The following MAP3K8 variants were observed in gnomAD, a reference collection of about 807,000 sequenced individuals.
MAP3K8 encodes Ewing sarcoma transformant.
A neutral mutation model predicts 45.8 loss-of-function variants in MAP3K8; 22 were observed. The observed-to-expected ratio is 0.48, with a 90% CI of 0.34 to 0.69. The LOEUF is 0.69. Among genes scored for constraint, MAP3K8 ranks in the 30% least tolerant of loss-of-function variants. The pLI is 0.01. For missense variants in MAP3K8, 419 were observed against 585.0 expected, an observed-to-expected ratio of 0.72 and a Z score of 2.93; for synonymous variants, 223 against 214.3, an observed-to-expected ratio of 1.04 and a Z score of -0.36.
chr10:30,461,611 T>C lies in MAP3K8; in HGVS notation c.*775T>C, dbSNP rs1016195864. The C allele has an allele frequency of 1.6e-5, 3 of 188,630 alleles. No individual in the cohort carries two copies. Among genetic ancestry groups the C allele is most frequent in the African/African-American group, 7.0e-5 (3 of 42,840 alleles). 11.7% of individuals were successfully genotyped at this position (188,630 alleles called of 1,614,324 possible). Reference sequence around the variant, plus strand: ...ATTATTGATGATTTTGTAATTCTTATGACTAAATTTTCTTTTAAGCATTTG... The same window carrying C: ...ATTATTGATGATTTTGTAATTCTTACGACTAAATTTTCTTTTAAGCATTTG... On this transcript the variant is annotated 3_prime_UTR_variant, in exon 9 of 9. Transcript: ENST00000263056.
At chr10:30,440,739 A>G (rs1433894059) in intron 3 of MAP3K8, among the ~76,000 whole-genome samples, 1 of 152,228 alleles carries the variant, frequency 6.6e-6, no homozygotes, top group Non-Finnish European at 1.5e-5. Flanking sequence ...CTATACCGAG[A>G]AATATAATTG....
chr10:30,448,004 GT>G (rs936938625), intron 4 of MAP3K8, 55 bp downstream of exon 4: 18 of 1,514,728 alleles, frequency 1.2e-5, no homozygotes, highest in Non-Finnish European at 1.4e-5. Context: ...TCTGGCTTTT[GT>G]TTTTTTGTCC....
At chr10:30,460,632 C>T (rs1715693636) in intron 8 of MAP3K8, 74 bp from the exon 9 acceptor site, 1 of 1,264,396 alleles carries the variant, frequency 7.9e-7, no homozygotes, top group Non-Finnish European at 1.1e-6. Context: ...AGATTTATTT[C>T]ACTGCAGAAG....
rs189928464 is a variant in MAP3K8, at chr10:30,444,262, G to A, written c.337-3520G>A. ...CATCTAAAATTTAAATACAGGGTTCGAGACCAGCCTGACCAACATGGAGAA... is the reference window on the plus strand; with the variant it reads ...CATCTAAAATTTAAATACAGGGTTCAAGACCAGCCTGACCAACATGGAGAA... On this transcript the variant is annotated intron_variant, in intron 3 of 8. Transcript: ENST00000263056. 2.0e-4 allele frequency among the ~76,000 whole-genome samples: 31 copies of A among 151,358 alleles called. No homozygotes were observed. The East Asian group carries it at 5.1e-3, about 25-fold the overall frequency.
At chr10:30,455,117 G>T (rs1836691916) in intron 6 of MAP3K8, among the ~76,000 whole-genome samples, 2 of 151,832 alleles carry the variant, frequency 1.3e-5, no homozygotes, top group South Asian at 4.2e-4. Flanking sequence ...GGTTTTTTTT[G>T]GCAAATGCAA....
intron 3 of MAP3K8, among the ~76,000 whole-genome samples, chr10:30,446,983 T>C (rs1333928748): frequency 1.3e-5 from 2 of 152,166 alleles, no homozygotes; most frequent in South Asian, 2.1e-4. Flanking sequence ...ACTCCTGGCC[T>C]CAAGATATCC....
In MAP3K8 at chr10:30,451,586, A is replaced by T. The variant is rs1223867729; in HGVS notation, c.767-52A>T. On this transcript the variant is annotated intron_variant, in intron 5 of 8. Coordinates refer to ENST00000263056, the MANE Select transcript of MAP3K8 (RefSeq NM_005204.4). Reference sequence around the variant, plus strand: ...TTGTTTTAGATAATGTTTTCATTTGACTTATGGGTATATAAAAAATTTTAT... The same window carrying T: ...TTGTTTTAGATAATGTTTTCATTTGTCTTATGGGTATATAAAAAATTTTAT... The T allele has an allele frequency of 7.4e-6, 7 of 940,598 alleles. No individual in the cohort carries two copies. In the East Asian group the frequency reaches 7.7e-5, roughly 10 times the overall value. The allele number at this position is 940,598 out of a possible 1,614,324, so 58.3% of individuals were successfully genotyped here.
chr10:30,453,217 T>C (rs1000316869), intron 6 of MAP3K8, among the ~76,000 whole-genome samples: 7 of 152,218 alleles, frequency 4.6e-5, no homozygotes, highest in African/African-American at 1.7e-4. Flanking sequence ...GTCTAACTGC[T>C]ACATAACTTT....
At position 30,450,321 on chromosome 10, in the gene MAP3K8, A is replaced by G. The variant is rs1245706749; in HGVS notation, c.568A>G (p.Ile190Val). ...CCAGGCTTGCTTCCGGCACGAGAACATCGCAGAGCTGTATGGCGCAGTCCT... is the reference window on the plus strand; with the variant it reads ...CCAGGCTTGCTTCCGGCACGAGAACGTCGCAGAGCTGTATGGCGCAGTCCT... ...EIQACFRHEN[I>V]AELYGAVLWG... is the part of the protein sequence containing the mutation. The change falls in exon 5 of 9, where the codon ATC (isoleucine) becomes GTC (valine). Residue 190 changes from isoleucine to valine, a missense_variant. Ile to Val is a conservative substitution (Grantham distance 29, BLOSUM62 3). Around this residue, in one of 3 missense-constraint regions of MAP3K8, gnomAD observed 209 missense variants for 367.3 expected, o/e 0.57. Coordinates refer to ENST00000263056, the MANE Select transcript of MAP3K8 (RefSeq NM_005204.4). The G allele has an allele frequency of 3.8e-5, 62 of 1,612,742 alleles. No homozygotes were observed. The highest frequency in any genetic ancestry group is 5.3e-5 in the Non-Finnish European group (62 of 1,179,016).
At chr10:30,451,772 C>A in intron 6 of MAP3K8, 28 bp downstream of exon 6, 2 of 1,246,884 alleles carry the variant, frequency 1.6e-6, no homozygotes, top group Non-Finnish European at 2.3e-6. Flanking sequence ...AAAAGGGTTA[C>A]TATTTTATTA....
intron 5 of MAP3K8, 62 bp downstream of exon 5, chr10:30,450,581 A>T: frequency 6.6e-7 from 1 of 1,504,164 alleles, no homozygotes; most frequent in Non-Finnish European, 9.2e-7. Flanking sequence ...GGAGACAAAC[A>T]AGCTCCTTCC....
intron 3 of MAP3K8, among the ~76,000 whole-genome samples, chr10:30,440,101 C>T (rs1372809725): frequency 6.6e-6 from 1 of 152,176 alleles, no homozygotes; most frequent in South Asian, 2.1e-4. Context: ...GCTTAATCAT[C>T]GCAAGTATGC....
chr10:30,435,513 A>G (rs1835883185), intron 1 of MAP3K8, among the ~76,000 whole-genome samples: 1 of 152,208 alleles, frequency 6.6e-6, no homozygotes, highest in South Asian at 2.1e-4. Flanking sequence ...CTGAGGGAGA[A>G]TGTACTATTT....
At chr10:30,460,466 C>A (rs1006891925) in intron 8 of MAP3K8, among the ~76,000 whole-genome samples, 2 of 152,196 alleles carry the variant, frequency 1.3e-5, no homozygotes, top group African/African-American at 2.4e-5. Context: ...AGAGAGCAAT[C>A]TGGCTGTTGG....
chr10:30,437,810 C>T (rs1341612240), intron 2 of MAP3K8, among the ~76,000 whole-genome samples: 1 of 152,198 alleles, frequency 6.6e-6, no homozygotes, highest in Non-Finnish European at 1.5e-5. Context: ...AAGGCTTGTG[C>T]TTCTCAGAAC....
At chr10:30,460,268 A>G (rs1470035554) in intron 8 of MAP3K8, among the ~76,000 whole-genome samples, 1 of 152,238 alleles carries the variant, frequency 6.6e-6, no homozygotes, top group South Asian at 2.1e-4. Context: ...AAATCTTGCC[A>G]GTTGTAAATT....
chr10:30,447,664 T>G (rs1170242431), intron 3 of MAP3K8, 118 bp from the exon 4 acceptor site: 1 of 784,574 alleles, frequency 1.3e-6, no homozygotes, highest in Non-Finnish European at 2.2e-6. Flanking sequence ...ACAGTGACAT[T>G]AATTTCATAA....
At chr10:30,443,327 G>C (rs1385315516) in intron 3 of MAP3K8, among the ~76,000 whole-genome samples, 1 of 152,238 alleles carries the variant, frequency 6.6e-6, no homozygotes, top group Non-Finnish European at 1.5e-5. Context: ...GTTACACATA[G>C]TGAGTGTTAA....
rs1835941454 is a variant in MAP3K8, at chr10:30,437,207, G to T, written c.-223G>T. On this transcript the variant is annotated 5_prime_UTR_variant, in exon 2 of 9. Coordinates refer to ENST00000263056, the MANE Select transcript of MAP3K8 (RefSeq NM_005204.4). ...TCTTCTTACCGCGAAGAAGCCAGGG[G>T]AATAGGTAGCCACATCTTGTTTGCA... 9 of 985,228 alleles carry T rather than the reference G, an allele frequency of 9.1e-6. No homozygotes were observed. Among genetic ancestry groups the T allele is most frequent in the Non-Finnish European group, 1.1e-5 (9 of 829,882 alleles). The allele number at this position is 985,228 out of a possible 1,614,324, so 61.0% of individuals were successfully genotyped here.
Sources: allele counts gnomAD v4.1 joint callset (sites outside exome capture counted in the v4.1 genomes callset), GRCh38; gene constraint gnomAD v4.1.1; regional missense constraint gnomAD v4.1.1; transcripts MANE v1.5; gene names NCBI Gene and HGNC (gene_info 2026-07-23, HGNC 2026-07-21).